UBE2W: variants seen among roughly 807,000 people sequenced by gnomAD.
UBE2W encodes ubiquitin-conjugating enzyme E2 W.
A neutral mutation model predicts 27.2 loss-of-function variants in UBE2W; 18 were observed. The ratio of observed to expected loss-of-function variants is 0.66; its 90% confidence interval spans 0.46 to 0.98. The LOEUF is 0.98. Ranked by LOEUF, UBE2W falls within the 50% of genes least tolerant of loss-of-function variation. UBE2W has a pLI of 0.00. For missense variants in UBE2W, 90 were observed against 180.2 expected, an observed-to-expected ratio of 0.50 and a Z score of 2.87; for synonymous variants, 53 against 57.2, an observed-to-expected ratio of 0.93 and a Z score of 0.33.
chr8:73,865,437 ACTCAT>A (rs1811713996), intron 1 of UBE2W, among the ~76,000 whole-genome samples: 1 of 152,132 alleles, frequency 6.6e-6, no homozygotes, highest in East Asian at 1.9e-4. Context: ...ACATGGCAAA[ACTCAT>A]CTCTACCAAA....
chr8:73,843,039 G>C (rs1398640607), intron 1 of UBE2W, among the ~76,000 whole-genome samples: 3 of 152,122 alleles, frequency 2.0e-5, no homozygotes, highest in Non-Finnish European at 4.4e-5. Context: ...AATGAACCTT[G>C]AAAACATTAT....
intron 5 of UBE2W, among the ~76,000 whole-genome samples, 183 bp downstream of exon 5, chr8:73,805,468 A>AAAACAAAAAAAAAAAAACAAACAAAC (rs1563577953): frequency 7.4e-6 from 1 of 135,180 alleles, no homozygotes; most frequent in Non-Finnish European, 1.6e-5. Context: ...AAAAAAAAAA[A>AAAACAAAAAAAAAAAAACAAACAAAC]AAACAAAAAA....
At chr8:73,840,764 G>A (rs951882946) in intron 1 of UBE2W, among the ~76,000 whole-genome samples, 6 of 152,056 alleles carry the variant, frequency 3.9e-5, no homozygotes, top group Non-Finnish European at 7.3e-5. Flanking sequence ...ATAAAATGCT[G>A]GCAATTGGAG....
intron 1 of UBE2W, among the ~76,000 whole-genome samples, chr8:73,873,669 T>G (rs1327005574): frequency 6.6e-6 from 1 of 151,874 alleles, no homozygotes; most frequent in East Asian, 1.9e-4. Context: ...GAGAAAAAAT[T>G]TTAAAAGCTG....
chr8:73,847,179 T>A (rs1427040000), intron 1 of UBE2W, among the ~76,000 whole-genome samples: 1 of 151,714 alleles, frequency 6.6e-6, no homozygotes, highest in Non-Finnish European at 1.5e-5. Flanking sequence ...AAAAAACAAC[T>A]AACCAAACAG....
Position 73,791,096 on chromosome 8 carries a change from GATTT to G in UBE2W, c.*3002_*3005del, listed in dbSNP as rs1468432158. On this transcript the variant is annotated 3_prime_UTR_variant, in exon 6 of 6. Coordinates refer to ENST00000602593, the MANE Select transcript of UBE2W (RefSeq NM_018299.6). ...GCACTTTCTTCTGGGGATTAAAAAT[GATTT>G]ATTTCCCTGCTGGCTAAAATGATAA... The G allele has an allele frequency of 9.1e-6, 9 of 984,920 alleles. 1 individual carries two copies. The highest frequency in any genetic ancestry group is 1.1e-5 in the Non-Finnish European group (9 of 829,602). 61.0% of individuals were successfully genotyped at this position (984,920 alleles called of 1,614,324 possible). A position where few individuals can be genotyped will look rare whatever the true frequency, so the allele number is the denominator to read the frequency against.
downstream of UBE2W, among the ~76,000 whole-genome samples, chr8:73,783,800 T>G (rs777041844): frequency 4.6e-5 from 7 of 152,216 alleles, no homozygotes; most frequent in Non-Finnish European, 1.0e-4. Context: ...GCTTGCTCGG[T>G]TGCCCAGGCT....
At chr8:73,822,731 C>T (rs1379472344) in intron 3 of UBE2W, among the ~76,000 whole-genome samples, 1 of 151,010 alleles carries the variant, frequency 6.6e-6, no homozygotes, top group African/African-American at 2.4e-5. Context: ...TTGCAGTGAG[C>T]CAAGATTGCA....
intron 3 of UBE2W, among the ~76,000 whole-genome samples, chr8:73,821,215 A>C (rs541441333): frequency 2.6e-5 from 4 of 152,110 alleles, no homozygotes; most frequent in Non-Finnish European, 4.4e-5. Flanking sequence ...TGAACAAGGC[A>C]CTTCACTTCT....
intron 1 of UBE2W, among the ~76,000 whole-genome samples, chr8:73,866,941 G>A (rs1185699074): frequency 6.6e-6 from 1 of 150,882 alleles, no homozygotes; most frequent in African/African-American, 2.4e-5. Flanking sequence ...TGAGGCAGAG[G>A]TTGCAGTGAG....
At chr8:73,831,230 G>T in intron 1 of UBE2W, 1 of 363,922 alleles carries the variant, frequency 2.7e-6, no homozygotes, top group Non-Finnish European at 5.1e-6. Context: ...TAGAAGGCAT[G>T]AAAAGATTAA....
chr8:73,871,948 A>G (rs1812024039), intron 1 of UBE2W, among the ~76,000 whole-genome samples: 1 of 152,040 alleles, frequency 6.6e-6, no homozygotes, highest in African/African-American at 2.4e-5. Flanking sequence ...GCTGGAGTAG[A>G]GTGGCACAAT....
chr8:73,797,073 C>T (rs1208819447), intron 5 of UBE2W, among the ~76,000 whole-genome samples: 1 of 152,082 alleles, frequency 6.6e-6, no homozygotes, highest in Non-Finnish European at 1.5e-5. Flanking sequence ...TCAGAAGCCT[C>T]TACTAAAATT....
intron 1 of UBE2W, among the ~76,000 whole-genome samples, chr8:73,867,109 A>G (rs2130986005): frequency 6.6e-6 from 1 of 152,326 alleles, no homozygotes; most frequent in African/African-American, 2.4e-5. Flanking sequence ...CGAAATGACA[A>G]ATTGTTTAGG....
intron 1 of UBE2W, among the ~76,000 whole-genome samples, chr8:73,876,909 G>C (rs1277907016): frequency 1.3e-5 from 2 of 152,158 alleles, no homozygotes; most frequent in African/African-American, 2.4e-5. Context: ...GGAGGCTGCG[G>C]TGAGCCAAGA....
chr8:73,783,482 C>T (rs1807878838), downstream of UBE2W, among the ~76,000 whole-genome samples: 1 of 152,128 alleles, frequency 6.6e-6, no homozygotes, highest in South Asian at 2.1e-4. Flanking sequence ...GCCTTGGCAT[C>T]TTTTTTTGAA....
chr8:73,862,221 G>A (rs1408028047), intron 1 of UBE2W, among the ~76,000 whole-genome samples: 5 of 152,210 alleles, frequency 3.3e-5, no homozygotes, highest in Non-Finnish European at 7.3e-5. Context: ...TGTGAGGTCA[G>A]GATTTGAGAC....
chr8:73,863,302 A>T (rs1281174227), intron 1 of UBE2W, among the ~76,000 whole-genome samples: 131 of 144,284 alleles, frequency 9.1e-4, no homozygotes, highest in African/African-American at 3.2e-3. Flanking sequence ...ATTGGAAATC[A>T]TCATTCTCAG....
Position 73,790,030 on chromosome 8 carries a change from T to C in UBE2W, c.*4072A>G. 1.0e-6 allele frequency: 1 copy of C among 985,256 alleles called. No homozygotes were observed. The highest frequency in any genetic ancestry group is 1.2e-6 in the Non-Finnish European group (1 of 829,850). 61.0% of individuals were successfully genotyped at this position (985,256 alleles called of 1,614,324 possible). On this transcript the variant is annotated 3_prime_UTR_variant, in exon 6 of 6. Coordinates refer to ENST00000602593, the MANE Select transcript of UBE2W (RefSeq NM_018299.6). ...TACAGCTAACAGCTCATTTACCAAG[T>C]AGTCAATTATTCAACAAATTTAGCC...
Sources: allele counts gnomAD v4.1 joint callset (sites outside exome capture counted in the v4.1 genomes callset), GRCh38; gene constraint gnomAD v4.1.1; transcripts MANE v1.5; gene names NCBI Gene and HGNC (gene_info 2026-07-23, HGNC 2026-07-21).